The following CDH2 variants were observed in gnomAD, a reference collection of about 807,000 sequenced individuals.
CDH2 encodes the protein cadherin 2.
A neutral mutation model predicts 92.0 loss-of-function variants in CDH2; 17 were observed. The observed-to-expected ratio is 0.18, with a 90% CI of 0.13 to 0.28. The LOEUF is 0.28. Among genes scored for constraint, CDH2 ranks in the 10% least tolerant of loss-of-function variants. The probability of loss-of-function intolerance (pLI) is 1.00; values close to 1 mark genes in which losing one functional copy is unlikely to be tolerated. For missense variants in CDH2, 862 were observed against 1,133.1 expected (o/e 0.76, Z 3.44); for synonymous variants, 419 against 415.9 (o/e 1.01, Z -0.09).
At chr18:28,049,644 A>C (rs141253079) in intron 2 of CDH2, among the ~76,000 whole-genome samples, 1 of 152,230 alleles carries the variant, frequency 6.6e-6, no homozygotes, top group East Asian at 1.9e-4. Flanking sequence ...CTCACCACTG[A>C]ATAGTATCTA....
chr18:28,048,916 C>T (rs555914822), intron 2 of CDH2, among the ~76,000 whole-genome samples: 1 of 152,182 alleles, frequency 6.6e-6, no homozygotes, highest in Non-Finnish European at 1.5e-5. Context: ...GAAAAGAAAA[C>T]TGATAATACC....
chr18:27,959,404 A>C (rs1369086979), intron 15 of CDH2: 1 of 152,230 alleles, frequency 6.6e-6, no homozygotes, highest in Non-Finnish European at 1.5e-5. Flanking sequence ...CCACTATATT[A>C]TTCTTCCTTT....
At chr18:27,960,970 A>G (rs2011386899) in intron 15 of CDH2, among the ~76,000 whole-genome samples, 3 of 152,044 alleles carry the variant, frequency 2.0e-5, no homozygotes. Context: ...AGGGTTGGGT[A>G]AGTGAAACTT....
chr18:27,998,027 C>T (rs17498120), intron 7 of CDH2, among the ~76,000 whole-genome samples: 6 of 152,008 alleles, frequency 3.9e-5, no homozygotes, highest in Non-Finnish European at 5.9e-5. Context: ...AGGATGGTCT[C>T]CATCTCCTGA....
At chr18:27,963,270 G>T in intron 15 of CDH2, 87 bp downstream of exon 15, 1 of 1,244,084 alleles carries the variant, frequency 8.0e-7, no homozygotes, top group Non-Finnish European at 1.2e-6. Context: ...CTATATAGCT[G>T]TATTCCAAGC....
At chr18:28,095,807 C>CAAAAAAAAAAAAAAAAA (rs33981188) in intron 2 of CDH2, among the ~76,000 whole-genome samples, 67 of 102,850 alleles carry the variant, frequency 6.5e-4, no homozygotes, top group Non-Finnish European at 1.0e-3. Context: ...GCAACTCCAT[C>CAAAAAAAAAAAAAAAAA]AAAAAAAAAA....
At chr18:27,964,618 C>T (rs765004496) in intron 14 of CDH2, among the ~76,000 whole-genome samples, 5 of 152,072 alleles carry the variant, frequency 3.3e-5, no homozygotes, top group Non-Finnish European at 7.4e-5. Flanking sequence ...TTGATTTATT[C>T]GACAGTTGTT....
chr18:28,100,181 G>T (rs1388846829), intron 2 of CDH2, among the ~76,000 whole-genome samples: 2 of 152,114 alleles, frequency 1.3e-5, no homozygotes, highest in Non-Finnish European at 2.9e-5. Context: ...CTGTGAGTGT[G>T]TTTTGGGATG....
intron 3 of CDH2, among the ~76,000 whole-genome samples, chr18:28,013,455 A>G (rs941746997): frequency 6.6e-6 from 1 of 152,254 alleles, no homozygotes; most frequent in African/African-American, 2.4e-5. Context: ...TATAAATCTC[A>G]AAGTATAAAC....
intron 15 of CDH2, among the ~76,000 whole-genome samples, chr18:27,953,246 A>G (rs1250851454): frequency 1.3e-5 from 2 of 152,188 alleles, no homozygotes; most frequent in East Asian, 3.9e-4. Context: ...TTAAGAAAAA[A>G]GAAACAAGGA....
At chr18:28,030,625 C>T (rs2013670326) in intron 2 of CDH2, among the ~76,000 whole-genome samples, 1 of 151,970 alleles carries the variant, frequency 6.6e-6, no homozygotes. Flanking sequence ...TCAGCCTTTG[C>T]AGGGTAAAGG....
chr18:27,976,717 ATAACAGCT>A (rs1360647837), intron 14 of CDH2, among the ~76,000 whole-genome samples: 16 of 152,254 alleles, frequency 1.1e-4, no homozygotes, highest in Non-Finnish European at 2.2e-4. Flanking sequence ...GGTACACCAA[ATAACAGCT>A]TTTGCTATTA....
intron 2 of CDH2, among the ~76,000 whole-genome samples, chr18:28,141,109 C>A (rs1280796737): frequency 6.6e-6 from 1 of 151,788 alleles, no homozygotes; most frequent in Non-Finnish European, 1.5e-5. Context: ...CTGTGGAAAA[C>A]AATTTGACAG....
chr18:28,089,438 G>A (rs11660408), intron 2 of CDH2, among the ~76,000 whole-genome samples: 1,649 of 152,138 alleles, frequency 0.011, 18 homozygotes, highest in South Asian at 0.019. Context: ...ATTACAGTCA[G>A]TAGTGTTTCC....
intron 2 of CDH2, among the ~76,000 whole-genome samples, chr18:28,144,372 T>A (rs570252033): frequency 1.3e-5 from 1 of 75,820 alleles, no homozygotes; most frequent in African/African-American, 1.2e-4. Flanking sequence ...AAAGGAATGA[T>A]TTTTCACCAG....
At chr18:28,089,425 A>G (rs968808248) in intron 2 of CDH2, among the ~76,000 whole-genome samples, 1 of 152,184 alleles carries the variant, frequency 6.6e-6, no homozygotes, top group Non-Finnish European at 1.5e-5. Flanking sequence ...TCACATTTTA[A>G]TCATTACAGT....
At chr18:28,117,705 G>C (rs2015518505) in intron 2 of CDH2, among the ~76,000 whole-genome samples, 1 of 152,146 alleles carries the variant, frequency 6.6e-6, no homozygotes, top group African/African-American at 2.4e-5. Context: ...AAAGTGGCCA[G>C]TAAAATGATA....
chr18:28,121,213 C>G (rs528629472), intron 2 of CDH2, among the ~76,000 whole-genome samples: 7 of 152,060 alleles, frequency 4.6e-5, no homozygotes, highest in African/African-American at 7.2e-5. Context: ...CTAAATTGTC[C>G]AAGAGATCAT....
At chr18:27,937,882 A>G (rs1394349098) in intron 6 of CDH2, among the ~76,000 whole-genome samples, 1 of 152,218 alleles carries the variant, frequency 6.6e-6, no homozygotes, top group African/African-American at 2.4e-5. Context: ...TTTTGAAAAC[A>G]CCAAAATATT....
Sources: gnomAD v4.1 joint callset for allele counts (sites outside exome capture counted in the v4.1 genomes callset) on GRCh38, gnomAD v4.1.1 for gene constraint, MANE v1.5 for transcripts, NCBI Gene and HGNC (gene_info 2026-07-23, HGNC 2026-07-21) for gene names.